The following CSMD2 variants were observed in gnomAD, a reference collection of about 807,000 sequenced individuals.
CSMD2 encodes CUB and Sushi multiple domains 2.
In CSMD2, 130 loss-of-function variants were observed where a neutral mutation model predicts 398.5. That is an observed-to-expected ratio of 0.33 (90% confidence interval 0.28 to 0.38). The LOEUF is 0.38. Ranked by LOEUF, CSMD2 falls within the 10% of genes least tolerant of loss-of-function variation. The pLI is 1.00. For synonymous variants in CSMD2, 1,828 were observed against 1,908.5 expected (o/e 0.96, Z 1.10); for missense variants, 3,829 against 4,764.9 (o/e 0.80, Z 5.78).
At chr1:33,758,455 A>G (rs56066417) in intron 13 of CSMD2, among the ~76,000 whole-genome samples, 12,736 of 152,302 alleles carry the variant, frequency 0.084, 710 homozygotes, top group South Asian at 0.17. Flanking sequence ...CTTTGTTTAT[A>G]TAATAGCAGC....
At chr1:33,874,748 A>G (rs1640717736) in intron 5 of CSMD2, among the ~76,000 whole-genome samples, 1 of 152,242 alleles carries the variant, frequency 6.6e-6, no homozygotes, top group Admixed American at 6.5e-5. Context: ...GCTCCCAGAC[A>G]GAATCAGCAT....
intron 10 of CSMD2, among the ~76,000 whole-genome samples, chr1:33,797,478 G>A (rs1219383173): frequency 6.6e-6 from 1 of 152,190 alleles, no homozygotes; most frequent in Non-Finnish European, 1.5e-5. Context: ...ACAGAATTTA[G>A]GCAACTTGCC....
intron 13 of CSMD2, among the ~76,000 whole-genome samples, chr1:33,759,381 A>G (rs780272862): frequency 7.4e-6 from 1 of 135,068 alleles, no homozygotes; most frequent in Admixed American, 8.4e-5. Context: ...GCTAGAGTGC[A>G]GTGGCGCAAT....
At chr1:33,858,349 C>T (rs901225687) in intron 5 of CSMD2, among the ~76,000 whole-genome samples, 3 of 152,190 alleles carry the variant, frequency 2.0e-5, no homozygotes, top group African/African-American at 7.2e-5. Context: ...CTTCCCTCCT[C>T]CTGCAATACT....
chr1:33,809,359 A>G (rs538569625), intron 10 of CSMD2, among the ~76,000 whole-genome samples: 8 of 152,204 alleles, frequency 5.3e-5, no homozygotes, highest in Admixed American at 2.6e-4. Flanking sequence ...TTGGTTTGAC[A>G]TGAGAAAAGG....
At chr1:33,781,946 C>A (rs1652825048) in intron 12 of CSMD2, among the ~76,000 whole-genome samples, 1 of 151,520 alleles carries the variant, frequency 6.6e-6, no homozygotes, top group African/African-American at 2.4e-5. Flanking sequence ...TTCTGGGAAG[C>A]AAATGCCCCA....
intron 5 of CSMD2, among the ~76,000 whole-genome samples, chr1:33,903,545 C>T (rs1642887824): frequency 6.6e-6 from 1 of 152,126 alleles, no homozygotes; most frequent in Admixed American, 6.5e-5. Flanking sequence ...TCCATGTTAA[C>T]CTTTGCAATT....
intron 13 of CSMD2, among the ~76,000 whole-genome samples, chr1:33,748,234 T>C (rs912796410): frequency 6.6e-6 from 1 of 152,206 alleles, no homozygotes; most frequent in Non-Finnish European, 1.5e-5. Flanking sequence ...ATGCATGTTG[T>C]ATTGTAATAT....
chr1:33,630,525 T>C (rs141960769), intron 32 of CSMD2, among the ~76,000 whole-genome samples: 4 of 152,202 alleles, frequency 2.6e-5, no homozygotes, highest in Non-Finnish European at 5.9e-5. Flanking sequence ...TTAAGTCACC[T>C]AGAAAACAAA....
rs139447852 is a variant in CSMD2 at position 33,637,509 on chromosome 1, C to T, written c.4775-955G>A. ...TCTGGAGTAGGACACTCTCCAGCAT[C>T]CCTCACCATCAGCTGGAAATCCTGA... On this transcript the variant is annotated intron_variant, in intron 29 of 70. Coordinates refer to ENST00000373381, the MANE Select transcript of CSMD2 (RefSeq NM_001281956.2). 3.9e-4 allele frequency among the ~76,000 whole-genome samples: 60 copies of T among 152,314 alleles called. No individual in the cohort carries two copies. The East Asian group carries it at 0.01, about 26-fold the overall frequency.
At chr1:34,052,938 G>A (rs1372173644) in intron 2 of CSMD2, among the ~76,000 whole-genome samples, 1 of 152,184 alleles carries the variant, frequency 6.6e-6, no homozygotes, top group Admixed American at 6.5e-5. Context: ...AGCAGTGTCA[G>A]TGGCAAGGCT....
At chr1:34,028,649 C>T (rs1297043177) in intron 3 of CSMD2, among the ~76,000 whole-genome samples, 1 of 152,228 alleles carries the variant, frequency 6.6e-6, no homozygotes, top group East Asian at 1.9e-4. Context: ...AAGCTGCACA[C>T]AAAACTTCCC....
At chr1:33,955,645 A>G (rs1313294445) in intron 3 of CSMD2, among the ~76,000 whole-genome samples, 1 of 152,150 alleles carries the variant, frequency 6.6e-6, no homozygotes, top group Admixed American at 6.5e-5. Context: ...CCTATATTGT[A>G]GGGTTGTGGT....
At chr1:33,613,552 A>G (rs1641184749) in intron 40 of CSMD2, among the ~76,000 whole-genome samples, 1 of 152,052 alleles carries the variant, frequency 6.6e-6, no homozygotes, top group South Asian at 2.1e-4. Context: ...CTCCCCTCCA[A>G]CCGGATTTAG....
Position 33,587,144 on chromosome 1 carries a change from G to C in CSMD2, c.6881C>G (p.Pro2294Arg). 1 of 1,610,548 alleles carries C rather than the reference G, an allele frequency of 6.2e-7. No homozygotes were observed. The highest frequency in any genetic ancestry group is 1.3e-5 in the African/African-American group (1 of 75,012). ...FSAYPLTKCP[P>R]PTILPNAEVV... is the part of the protein sequence containing the mutation. The stretch of plus-strand genomic sequence containing the variant: ...TTCGGCGTTGGGGAGGATGGTGGGA[G>C]GAGGGCATTTGGTGAGTGGATAAGC... The change falls in exon 45 of 71, where the codon CCT (proline) becomes CGT (arginine). Residue 2294 changes from proline to arginine, a missense_variant. By Grantham distance (103) the Pro-to-Arg change is moderately radical. Transcript: ENST00000373381.
intron 6 of CSMD2, among the ~76,000 whole-genome samples, chr1:33,844,285 T>TG (rs1363881493): frequency 5.6e-4 from 66 of 117,026 alleles, no homozygotes; most frequent in Middle Eastern, 4.1e-3. Flanking sequence ...ACTGTGTGTG[T>TG]GTGGGGGGGC....
At chr1:33,897,549 G>A (rs1384443502) in intron 5 of CSMD2, among the ~76,000 whole-genome samples, 1 of 152,208 alleles carries the variant, frequency 6.6e-6, no homozygotes, top group African/African-American at 2.4e-5. Context: ...TACTGTGTAT[G>A]TCCACATCAT....
intron 5 of CSMD2, among the ~76,000 whole-genome samples, chr1:33,892,870 T>C (rs1197948122): frequency 6.6e-6 from 1 of 152,196 alleles, no homozygotes; most frequent in Non-Finnish European, 1.5e-5. Flanking sequence ...TGGGTGACTT[T>C]GAAGCAGAAA....
chr1:33,720,977 G>C (rs1480237862), intron 19 of CSMD2, among the ~76,000 whole-genome samples: 2 of 152,204 alleles, frequency 1.3e-5, no homozygotes, highest in African/African-American at 4.8e-5. Context: ...TGGGATTACA[G>C]GCATGAGCCA....
Sources: allele counts gnomAD v4.1 joint callset (sites outside exome capture counted in the v4.1 genomes callset), GRCh38; gene constraint gnomAD v4.1.1; transcripts MANE v1.5; gene names NCBI Gene and HGNC (gene_info 2026-07-23, HGNC 2026-07-21).